Variants in ANKRD30B observed in about 807,000 individuals in gnomAD.
ANKRD30B encodes the protein ankyrin repeat domain 30B, also known as ankyrin repeat domain-containing protein 30B.
In ANKRD30B, 144 loss-of-function variants were observed where a neutral mutation model predicts 202.2. The observed-to-expected ratio is 0.71, with a 90% CI of 0.62 to 0.82. The LOEUF is 0.82. ANKRD30B is among the 40% of genes least tolerant of loss of function. The pLI is 0.00. For missense variants in ANKRD30B, 1,487 were observed against 1,669.1 expected (o/e 0.89, Z 1.90); for synonymous variants, 508 against 561.3 (o/e 0.91, Z 1.34).
the ANKRD30B span, among the ~76,000 whole-genome samples, chr18:14,932,227 G>A: frequency 2.6e-5 from 4 of 151,858 alleles, no homozygotes; most frequent in African/African-American, 9.7e-5. Context: ...CTCCTGCCTG[G>A]CGTCAGGTCT....
At chr18:14,806,494 A>G (rs1969525395) in intron 24 of ANKRD30B, among the ~76,000 whole-genome samples, 2 of 150,982 alleles carry the variant, frequency 1.3e-5, no homozygotes, top group Admixed American at 1.3e-4. Context: ...TAAAATCTCC[A>G]GTGTACCCCT....
chr18:14,898,190 T>G, the ANKRD30B span, among the ~76,000 whole-genome samples: 1 of 152,200 alleles, frequency 6.6e-6, no homozygotes, highest in African/African-American at 2.4e-5. Context: ...ACTTTTATAG[T>G]TTGAATTTTA....
intron 16 of ANKRD30B, 130 bp downstream of exon 16, chr18:14,791,621 C>A: frequency 1.4e-6 from 1 of 695,030 alleles, no homozygotes; most frequent in Non-Finnish European, 2.4e-6. Flanking sequence ...AGAAGTGAAA[C>A]GGTGATAAGT....
chr18:14,837,548 G>C, intron 35 of ANKRD30B, 67 bp from the exon 36 acceptor site: 9 of 1,218,466 alleles, frequency 7.4e-6, no homozygotes, highest in Non-Finnish European at 1.0e-5. Context: ...AAATAGATTT[G>C]TATATAGTTT....
In ANKRD30B at chr18:14,794,455, C is replaced by T. The variant is rs1474096473; in HGVS notation, c.1826-1766C>T. 2.6e-5 allele frequency among the ~76,000 whole-genome samples: 4 copies of T among 151,686 alleles called. No homozygotes were observed. The South Asian group carries it at 6.3e-4, about 24-fold the overall frequency. ...AATATTTTGGTTACATACTCATTTC[C>T]TATCTCATGACACTCTGCTTTCTTT... On this transcript the variant is annotated intron_variant, in intron 16 of 43. Transcript: ENST00000690538.
At position 14,797,688 on chromosome 18, in the gene ANKRD30B, A is replaced by G; in HGVS notation, c.1955A>G (p.Lys652Arg). 6.2e-7 allele frequency: 1 copy of G among 1,609,102 alleles called. No individual in the cohort carries two copies. Reference protein sequence around the residue: ...AESPDKDGLLKPTCGRKVSLP... With the variant: ...AESPDKDGLLRPTCGRKVSLP... ...TCTCCTGATAAAGATGGTCTTCTGA[A>G]GGTAATAGCTTTTATGTCTCTATCT... The change falls in exon 19 of 44, where the codon AAG becomes AGG. Residue 652 changes from lysine (K) to arginine (R), a missense_variant and splice_region_variant. Lys to Arg is a conservative substitution (Grantham distance 26). This residue lies in a region of ANKRD30B where 889 missense variants were observed against 841.4 expected (regional missense o/e 1.06). Transcript: ENST00000690538.
At chr18:14,856,128 A>C (rs1472058325), downstream of ANKRD30B, among the ~76,000 whole-genome samples, 89 of 86,620 alleles carry the variant, frequency 1.0e-3, no homozygotes, top group Middle Eastern at 9.6e-3. Context: ...GGAGACCAGG[A>C]AGAGGTGCTC....
At chr18:14,896,505 C>T in the ANKRD30B span, among the ~76,000 whole-genome samples, 1 of 150,340 alleles carries the variant, frequency 6.7e-6, no homozygotes, top group Non-Finnish European at 1.5e-5. Flanking sequence ...ATGCAGCTGA[C>T]TTTAATAATA....
At chr18:14,787,200 C>A in intron 15 of ANKRD30B, 100 bp downstream of exon 15, 2 of 1,028,132 alleles carry the variant, frequency 1.9e-6, no homozygotes, top group Non-Finnish European at 2.8e-6. Context: ...GCATATGTCA[C>A]CCCCAAATTA....
chr18:14,839,395 A>G (rs1442155073), intron 36 of ANKRD30B, among the ~76,000 whole-genome samples: 3 of 152,188 alleles, frequency 2.0e-5, no homozygotes, highest in Admixed American at 6.5e-5. Flanking sequence ...GGAGGAAGAC[A>G]TTCTGAACAG....
rs780813323 is a variant in ANKRD30B at position 14,796,411 on chromosome 18, A to G, written c.1923A>G (p.Lys641=). Residue 641 remains lysine, a synonymous_variant, in exon 18 of 44, where the codon AAA becomes AAG. Transcript: ENST00000690538. ...ALELKDRETF[K]AESPDKDGLL... is the part of the protein sequence containing the mutation. ...AATTAAAGGACAGAGAAACATTCAA[A>G]GCAGGTAAATTTTGTAATTTAACTT... The G allele has an allele frequency of 1.9e-5, 29 of 1,548,224 alleles. No individual in the cohort carries two copies. Among genetic ancestry groups the G allele is most frequent in the Non-Finnish European group, 2.5e-5 (29 of 1,147,048 alleles).
intron 15 of ANKRD30B, 88 bp downstream of exon 15, chr18:14,787,188 C>G: frequency 8.7e-7 from 1 of 1,150,628 alleles, no homozygotes; most frequent in South Asian, 1.5e-5. Flanking sequence ...TTTCTCACCT[C>G]TGCATATGTC....
chr18:14,846,566 TTCTA>T (rs201415131), intron 39 of ANKRD30B, among the ~76,000 whole-genome samples: 2,419 of 152,060 alleles, frequency 0.016, 67 homozygotes, highest in African/African-American at 0.056. Context: ...TCTTTTGCAG[TTCTA>T]TCTATTTTTG....
At position 14,852,270 on chromosome 18, in the gene ANKRD30B, A is replaced by G. The variant is rs1382589506; in HGVS notation, c.4326A>G (p.Lys1442=). The G allele has an allele frequency of 2.6e-6, 4 of 1,547,438 alleles. No individual in the cohort carries two copies. Among genetic ancestry groups the G allele is most frequent in the Non-Finnish European group, 3.5e-6 (4 of 1,145,968 alleles). ...LRQQLVYAHK[K]VNKSKVTINI... The stretch of plus-strand genomic sequence containing the variant: ...AGCAATTAGTTTATGCACATAAGAA[A>G]GTTAACAAAAGCAAGGTAACAATTA... The change falls in exon 42 of 44, where the codon AAA becomes AAG. Residue 1442 remains lysine (K), a synonymous_variant. Coordinates refer to ENST00000690538, the MANE Select transcript of ANKRD30B (RefSeq NM_001367607.2).
At chr18:14,750,658 A>T (rs971882264) in intron 1 of ANKRD30B, among the ~76,000 whole-genome samples, 4 of 152,162 alleles carry the variant, frequency 2.6e-5, no homozygotes, top group Non-Finnish European at 5.9e-5. Flanking sequence ...TAAAATATCA[A>T]TGTATTAAAA....
At chr18:14,811,511 C>T (rs1969922944) in intron 28 of ANKRD30B, among the ~76,000 whole-genome samples, 1 of 149,636 alleles carries the variant, frequency 6.7e-6, no homozygotes, top group African/African-American at 2.5e-5. Context: ...GCGCCCGGCC[C>T]AGAGTCTTTT....
chr18:14,809,904 CT>C (rs1249863272), intron 26 of ANKRD30B, 81 bp from the exon 27 acceptor site: 1 of 1,242,828 alleles, frequency 8.0e-7, no homozygotes, highest in Non-Finnish European at 1.2e-6. Context: ...GAGGATTCAT[CT>C]TCATATTCAC....
downstream of ANKRD30B, among the ~76,000 whole-genome samples, chr18:14,854,880 C>T (rs62088967): frequency 4.8e-4 from 72 of 149,810 alleles, no homozygotes; most frequent in East Asian, 0.01. Flanking sequence ...CACACACACA[C>T]GCTCTACCCT....
At chr18:14,808,887 A>G (rs1969728552) in intron 26 of ANKRD30B, 143 bp downstream of exon 26, 3 of 755,850 alleles carry the variant, frequency 4.0e-6, no homozygotes, top group Admixed American at 3.0e-5. Flanking sequence ...GTTAGTATTT[A>G]TGTTTGAGAA....
Sources: allele counts gnomAD v4.1 joint callset (sites outside exome capture counted in the v4.1 genomes callset), GRCh38; gene constraint gnomAD v4.1.1; regional missense constraint gnomAD v4.1.1; transcripts MANE v1.5; gene names NCBI Gene and HGNC (gene_info 2026-07-23, HGNC 2026-07-21).